Variants in ADGRB3 observed in about 807,000 individuals in gnomAD.
The protein encoded by ADGRB3 is brain-specific angiogenesis inhibitor 3.
In ADGRB3, 37 loss-of-function variants were observed where a neutral mutation model predicts 193.4. The observed-to-expected ratio is 0.19, with a 90% CI of 0.15 to 0.25. The LOEUF (loss-of-function observed/expected upper bound fraction) is 0.25. ADGRB3 is among the 10% of genes least tolerant of loss of function. ADGRB3 has a pLI of 1.00. For missense variants in ADGRB3, 1,637 were observed against 1,852.9 expected (o/e 0.88, Z 2.14); for synonymous variants, 690 against 644.2 (o/e 1.07, Z -1.08).
intron 17 of ADGRB3, among the ~76,000 whole-genome samples, chr6:69,151,725 G>A (rs1774684796): frequency 6.6e-6 from 1 of 152,074 alleles, no homozygotes; most frequent in Non-Finnish European, 1.5e-5. Context: ...ACCATAAATG[G>A]TTTTGCTATT....
chr6:68,710,906 GACCCCTTTTATTCCTTCTTTCCTCCC>G (rs1378940148), intron 3 of ADGRB3, among the ~76,000 whole-genome samples: 1 of 152,014 alleles, frequency 6.6e-6, no homozygotes, highest in African/African-American at 2.4e-5. Context: ...TTCTTTCTGG[GACCCCTTTTATTCCTTCTTTCCTCCC>G]ATTTCTTGAA....
chr6:69,384,453 T>G (rs969654637), intron 31 of ADGRB3, among the ~76,000 whole-genome samples: 12 of 152,038 alleles, frequency 7.9e-5, no homozygotes, highest in African/African-American at 2.9e-4. Context: ...AAAGATAACA[T>G]TGAAATAATT....
rs555021962 is a variant in ADGRB3 at position 68,784,423 on chromosome 6, C to T, written c.757+144991C>T. 3.9e-5 allele frequency among the ~76,000 whole-genome samples: 6 copies of T among 152,220 alleles called. No individual in the cohort carries two copies. The South Asian group carries it at 1.2e-3, about 32-fold the overall frequency. ...TGTTTTGTCACAATTATGTGATATA[C>T]TTTTATTTAAAGAATTAAACTGCTA... On this transcript the variant is annotated intron_variant, in intron 3 of 31. Transcript: ENST00000370598.
chr6:69,336,256 C>T (rs1768845116), intron 24 of ADGRB3, among the ~76,000 whole-genome samples: 1 of 151,860 alleles, frequency 6.6e-6, no homozygotes, highest in Non-Finnish European at 1.5e-5. Context: ...TTAAAAATGG[C>T]ATGTATATTT....
At chr6:69,344,355 G>T (rs1050129002) in intron 26 of ADGRB3, among the ~76,000 whole-genome samples, 1 of 152,062 alleles carries the variant, frequency 6.6e-6, no homozygotes, top group Non-Finnish European at 1.5e-5. Context: ...GTAGTGAAAT[G>T]CTTAAAATAA....
intron 3 of ADGRB3, among the ~76,000 whole-genome samples, chr6:68,796,564 T>C (rs186629360): frequency 5.1e-4 from 77 of 152,326 alleles, no homozygotes; most frequent in African/African-American, 1.8e-3. Context: ...ACTTTCTGAA[T>C]ACAGATCTTC....
At chr6:68,897,848 G>T (rs1766280757) in intron 3 of ADGRB3, among the ~76,000 whole-genome samples, 2 of 142,366 alleles carry the variant, frequency 1.4e-5, no homozygotes, top group South Asian at 4.5e-4. Flanking sequence ...GAGAAAGAAA[G>T]AAGAAAACAA....
At chr6:68,640,538 G>A (rs2127275088) in intron 3 of ADGRB3, among the ~76,000 whole-genome samples, 1 of 152,314 alleles carries the variant, frequency 6.6e-6, no homozygotes, top group South Asian at 2.1e-4. Context: ...AGAGTGTGTT[G>A]ATTTCTTATG....
At chr6:69,055,414 A>G (rs541127510) in intron 15 of ADGRB3, among the ~76,000 whole-genome samples, 2 of 152,326 alleles carry the variant, frequency 1.3e-5, no homozygotes, top group South Asian at 2.1e-4. Flanking sequence ...ATTTATTTCA[A>G]TTAGCACAAT....
intron 3 of ADGRB3, among the ~76,000 whole-genome samples, chr6:68,639,683 T>G (rs934367768): frequency 2.0e-5 from 3 of 152,082 alleles, no homozygotes; most frequent in Admixed American, 1.3e-4. Context: ...AGGAGAAAGA[T>G]GCAGAAACCT....
intron 6 of ADGRB3, among the ~76,000 whole-genome samples, chr6:68,948,774 C>A (rs1767839791): frequency 6.6e-6 from 1 of 151,822 alleles, no homozygotes; most frequent in Non-Finnish European, 1.5e-5. Flanking sequence ...AATTGAGTGA[C>A]AGATTAAAGA....
At chr6:68,664,731 G>T (rs748516376) in intron 3 of ADGRB3, among the ~76,000 whole-genome samples, 18 of 151,796 alleles carry the variant, frequency 1.2e-4, no homozygotes, top group Non-Finnish European at 2.2e-4. Flanking sequence ...AGCGTGCCCA[G>T]GGATTCACAG....
chr6:68,734,422 A>T (rs1446688456), intron 3 of ADGRB3, among the ~76,000 whole-genome samples: 2 of 151,994 alleles, frequency 1.3e-5, no homozygotes, highest in African/African-American at 4.8e-5. Flanking sequence ...TCCTATTCAT[A>T]ACTAGGGATT....
intron 17 of ADGRB3, among the ~76,000 whole-genome samples, chr6:69,179,940 T>C (rs1303547212): frequency 6.6e-6 from 1 of 152,184 alleles, no homozygotes; most frequent in Non-Finnish European, 1.5e-5. Flanking sequence ...TGCACTGTGG[T>C]CTGAGCTCTC....
At chr6:69,332,394 G>A (rs946882065) in intron 23 of ADGRB3, 5 of 985,238 alleles carry the variant, frequency 5.1e-6, no homozygotes, top group Non-Finnish European at 6.0e-6. Context: ...GCTTAGAAAA[G>A]CATGGTACAT....
intron 20 of ADGRB3, among the ~76,000 whole-genome samples, chr6:69,245,890 T>C (rs901101777): frequency 1.3e-5 from 2 of 152,156 alleles, no homozygotes; most frequent in Non-Finnish European, 2.9e-5. Flanking sequence ...CTATGTATAG[T>C]AAGTAAATAA....
At chr6:69,244,426 T>C (rs1273405388) in intron 20 of ADGRB3, among the ~76,000 whole-genome samples, 1 of 152,092 alleles carries the variant, frequency 6.6e-6, no homozygotes, top group African/African-American at 2.4e-5. Context: ...TCAAGCACTC[T>C]CTAATTCAAC....
chr6:69,382,246 T>C (rs1023946347), intron 30 of ADGRB3, among the ~76,000 whole-genome samples: 6 of 151,938 alleles, frequency 3.9e-5, no homozygotes, highest in Admixed American at 6.6e-5. Flanking sequence ...ATGAAATCTA[T>C]GGGTCAGATT....
intron 3 of ADGRB3, among the ~76,000 whole-genome samples, chr6:68,661,849 T>G (rs1477057375): frequency 6.6e-6 from 1 of 151,180 alleles, no homozygotes; most frequent in Non-Finnish European, 1.5e-5. Context: ...ACCAGATGCC[T>G]TAATGGGACC....
Sources: gnomAD v4.1 joint callset for allele counts (sites outside exome capture counted in the v4.1 genomes callset) on GRCh38, gnomAD v4.1.1 for gene constraint, MANE v1.5 for transcripts, NCBI Gene and HGNC (gene_info 2026-07-23, HGNC 2026-07-21) for gene names.